PPFIA4: variants seen among roughly 807,000 people sequenced by gnomAD.
PPFIA4 encodes the protein PPFI scaffold protein A4, also known as liprin-alpha-4.
Under a neutral mutation model 145.7 loss-of-function variants are expected in PPFIA4, and 98 were observed. The observed-to-expected ratio is 0.67, with a 90% confidence interval of 0.57 to 0.80. The LOEUF (loss-of-function observed/expected upper bound fraction) is 0.80. Among genes scored for constraint, PPFIA4 ranks in the 30% least tolerant of loss-of-function variants. The pLI is 0.00. For missense variants in PPFIA4, 1,457 were observed against 1,632.7 expected (o/e 0.89, Z 1.85); for synonymous variants, 628 against 649.6 (o/e 0.97, Z 0.51).
intron 17 of PPFIA4, 86 bp downstream of exon 17, chr1:203,056,241 G>A: frequency 1.2e-6 from 2 of 1,603,910 alleles, no homozygotes; most frequent in South Asian, 2.2e-5. Context: ...GGGCCCTTGA[G>A]TCTGAGTCTG....
At position 203,060,960 on chromosome 1, in the gene PPFIA4, C is replaced by T. The variant is rs748296564; in HGVS notation, c.2785-10C>T. On this transcript the variant is annotated splice_polypyrimidine_tract_variant and intron_variant, in intron 22 of 29. Transcript: ENST00000295706. The surrounding 1 kb of genome is among the most constrained non-coding windows in gnomAD (Gnocchi z 4.8). ...ACCCAGGACCAGCTAGGTTTCCTCT[C>T]TGCCTGCAGTCTTCTGGGAATGTCT... 2 of 1,613,910 alleles carry T rather than the reference C, an allele frequency of 1.2e-6. No individual in the cohort carries two copies. Among genetic ancestry groups the T allele is most frequent in the Non-Finnish European group, 1.7e-6 (2 of 1,179,838 alleles).
chr1:203,045,911 G>GT lies in PPFIA4; in HGVS notation c.930dup (p.Glu311Ter). 6.2e-7 allele frequency: 1 copy of GT among 1,612,900 alleles called. No homozygotes were observed. Among genetic ancestry groups the GT allele is most frequent in the South Asian group, 1.1e-5 (1 of 91,084 alleles). The stretch of plus-strand genomic sequence containing the variant: ...GAGAAGCGCTACCTGGCTGCTCAGC[G>GT]TGAGGCAACATCCATCCATGACCTC... On this transcript the variant is annotated frameshift_variant, in exon 8 of 30. Coordinates refer to ENST00000295706, the MANE Select transcript of PPFIA4 (RefSeq NM_001304331.2). LOFTEE classifies it high-confidence loss of function.
In PPFIA4 at chr1:203,075,848, G is replaced by T; in HGVS notation, c.3574+91G>T. 2 of 1,239,648 alleles carry T rather than the reference G, an allele frequency of 1.6e-6. No homozygotes were observed. Among genetic ancestry groups the T allele is most frequent in the Non-Finnish European group, 2.1e-6 (2 of 956,448 alleles). 76.8% of individuals were successfully genotyped at this position (1,239,648 alleles called of 1,614,324 possible). A position where few individuals can be genotyped will look rare whatever the true frequency, so the allele number is the denominator to read the frequency against. On this transcript the variant is annotated intron_variant, in intron 29 of 29. Coordinates refer to ENST00000295706, the MANE Select transcript of PPFIA4 (RefSeq NM_001304331.2). This position sits in a 1 kb window ranked among gnomAD's most constrained non-coding sequence, Gnocchi z 4.1. The stretch of plus-strand genomic sequence containing the variant: ...AGGGCCGGGCCGGGTGGAGAGGGGC[G>T]AGGCCGAGGCTGGTGCCCCGCGCTC...
chr1:203,055,497 G>A lies in PPFIA4; in HGVS notation c.1895G>A (p.Ser632Asn). ...GAGGAGATTGAGACGCGTGTAACCAGTGGCAGCATGGAAGCCCTAAACCTG... is the reference window on the plus strand; with the variant it reads ...GAGGAGATTGAGACGCGTGTAACCAATGGCAGCATGGAAGCCCTAAACCTG... The part of the protein sequence containing the change: ...RAEEIETRVT[S>N]GSMEALNLKQ... Residue 632 changes from serine to asparagine, a missense_variant, in exon 16 of 30, where the codon AGT becomes AAT. This residue lies in a region of PPFIA4 where 848 missense variants were observed against 1,046.7 expected (regional missense o/e 0.81). Coordinates refer to ENST00000295706, the MANE Select transcript of PPFIA4 (RefSeq NM_001304331.2). This position sits in a 1 kb window ranked among gnomAD's most constrained non-coding sequence, Gnocchi z 4.8. The A allele has an allele frequency of 6.2e-7, 1 of 1,614,024 alleles. No homozygotes were observed. The highest frequency in any genetic ancestry group is 8.5e-7 in the Non-Finnish European group (1 of 1,179,900).
intron 27 of PPFIA4, among the ~76,000 whole-genome samples, chr1:203,069,767 C>CCT (rs1480719783): frequency 7.3e-6 from 1 of 137,508 alleles, no homozygotes; most frequent in Non-Finnish European, 1.6e-5. Flanking sequence ...CCCCCCGCCC[C>CCT]GCCCCCACCC....
At chr1:203,069,755 A>ACCCTC (rs1553260595) in intron 27 of PPFIA4, among the ~76,000 whole-genome samples, 59 of 104,734 alleles carry the variant, frequency 5.6e-4, no homozygotes, top group Admixed American at 9.9e-4. Context: ...TTCTGCAGTG[A>ACCCTC]CCCCCCCGCC....
rs1160916784 is a variant in PPFIA4 at position 203,048,798 on chromosome 1, G to A, written c.1356+84G>A. On this transcript the variant is annotated intron_variant, in intron 11 of 29. Transcript: ENST00000295706. This position sits in a 1 kb window ranked among gnomAD's most constrained non-coding sequence, Gnocchi z 5.8. ...AGGCGGGACTGTGATGGGCGCAGGCGGGGTCTCAATGGGGTGGGTGGCCAG... is the reference window on the plus strand; with the variant it reads ...AGGCGGGACTGTGATGGGCGCAGGCAGGGTCTCAATGGGGTGGGTGGCCAG... 8 of 1,541,074 alleles carry A rather than the reference G, an allele frequency of 5.2e-6. No homozygotes were observed. The South Asian group carries it at 6.1e-5, about 12-fold the overall frequency.
intron 23 of PPFIA4, among the ~76,000 whole-genome samples, 168 bp downstream of exon 23, chr1:203,061,200 G>A (rs529155745): frequency 6.6e-6 from 1 of 152,286 alleles, no homozygotes; most frequent in Admixed American, 6.5e-5. Context: ...GTCGGGAGAG[G>A]GGTGAGGCTG....
At chr1:203,032,426 C>CTTTTT (rs67178955) in intron 1 of PPFIA4, among the ~76,000 whole-genome samples, 3 of 59,496 alleles carry the variant, frequency 5.0e-5, no homozygotes, top group South Asian at 4.7e-4. Flanking sequence ...CCCTTCCCCG[C>CTTTTT]TTTTTTGTTG....
intron 1 of PPFIA4, among the ~76,000 whole-genome samples, chr1:203,030,387 G>A (rs1250587397): frequency 1.3e-5 from 2 of 152,164 alleles, no homozygotes; most frequent in Admixed American, 6.5e-5. Flanking sequence ...GTGGGGCCGG[G>A]CCTGGAGCTT....
chr1:203,075,720 G>A lies in PPFIA4; in HGVS notation c.3537G>A (p.Gln1179=), dbSNP rs1662483729. 1.4e-6 allele frequency: 2 copies of A among 1,392,026 alleles called. No homozygotes were observed. The highest frequency in any genetic ancestry group is 1.9e-6 in the Non-Finnish European group (2 of 1,066,958). 86.2% of individuals were successfully genotyped at this position (1,392,026 alleles called of 1,614,324 possible). ...GFRVSTLGTL[Q]PPPAPPKKIM... ...GTGTGTCCACCCTGGGGACCCTGCA[G>A]CCCCCACCGGCCCCGCCAAAGAAGA... The change falls in exon 29 of 30, where the codon CAG becomes CAA. Residue 1179 remains glutamine, a synonymous_variant. Coordinates refer to ENST00000295706, the MANE Select transcript of PPFIA4 (RefSeq NM_001304331.2). The surrounding 1 kb of genome is among the most constrained non-coding windows in gnomAD (Gnocchi z 4.1).
chr1:203,051,947 C>G, intron 14 of PPFIA4, 70 bp downstream of exon 14: 1 of 1,526,216 alleles, frequency 6.6e-7, no homozygotes, highest in Non-Finnish European at 8.9e-7. Context: ...TCCAGTTACG[C>G]AGACGGCTGG....
intron 9 of PPFIA4, among the ~76,000 whole-genome samples, chr1:203,046,681 C>T (rs747033767): frequency 3.9e-4 from 58 of 147,058 alleles, no homozygotes; most frequent in Non-Finnish European, 7.5e-4. Flanking sequence ...TTTTTTAATC[C>T]TCTACACCGT....
chr1:203,056,211 C>G, intron 17 of PPFIA4, 56 bp downstream of exon 17: 1 of 1,611,694 alleles, frequency 6.2e-7, no homozygotes, highest in Admixed American at 1.7e-5. Context: ...CATGCCCTTT[C>G]CTTTCAGCTT....
intron 4 of PPFIA4, 33 bp from the exon 5 acceptor site, chr1:203,044,346 C>T (rs932340236): frequency 7.6e-5 from 117 of 1,545,596 alleles, no homozygotes; most frequent in Non-Finnish European, 9.9e-5. Context: ...TGGGGTCCCC[C>T]TTTCTTCCTC....
In PPFIA4 at chr1:203,043,501, A is replaced by C. The variant is rs895569063; in HGVS notation, c.336+3A>C. ...AAGCAGAACGGAATAACACACGGGTAAGTGGGGATGACCTTGTGTCGCGCG... is the reference window on the plus strand; with the variant it reads ...AAGCAGAACGGAATAACACACGGGTCAGTGGGGATGACCTTGTGTCGCGCG... On this transcript the variant is annotated splice_donor_region_variant and intron_variant, in intron 3 of 29. Coordinates refer to ENST00000295706, the MANE Select transcript of PPFIA4 (RefSeq NM_001304331.2). This position sits in a 1 kb window ranked among gnomAD's most constrained non-coding sequence, Gnocchi z 4.4. The C allele has an allele frequency of 1.2e-6, 2 of 1,604,906 alleles. No homozygotes were observed. The highest frequency in any genetic ancestry group is 2.7e-5 in the African/African-American group (2 of 74,890).
At chr1:203,031,068 G>A (rs1301822109) in intron 1 of PPFIA4, among the ~76,000 whole-genome samples, 1 of 151,378 alleles carries the variant, frequency 6.6e-6, no homozygotes, top group African/African-American at 2.4e-5. Flanking sequence ...TCTCTCTCTC[G>A]GTCCCCTTTT....
intron 24 of PPFIA4, 77 bp from the exon 25 acceptor site, chr1:203,063,751 C>T (rs559721547): frequency 1.0e-5 from 15 of 1,493,218 alleles, no homozygotes; most frequent in Admixed American, 7.0e-5. Context: ...ATGTGTCTCC[C>T]GACCAGCTAT....
At chr1:203,064,202 C>T (rs192764281) in intron 25 of PPFIA4, among the ~76,000 whole-genome samples, 199 bp downstream of exon 25, 4 of 152,332 alleles carry the variant, frequency 2.6e-5, no homozygotes, top group Non-Finnish European at 5.9e-5. Flanking sequence ...TCAGATTGAC[C>T]AGGTTTCTGT....
Sources: allele counts gnomAD v4.1 joint callset (sites outside exome capture counted in the v4.1 genomes callset), GRCh38; gene constraint gnomAD v4.1.1; regional missense constraint gnomAD v4.1.1; non-coding constraint Gnocchi (gnomAD v3.1); transcripts MANE v1.5; gene names NCBI Gene and HGNC (gene_info 2026-07-23, HGNC 2026-07-21).